Variants in NEU4 observed in about 807,000 individuals in gnomAD.
NEU4 encodes sialidase-4.
NEU4 carries 7 observed loss-of-function variants against 9.9 expected under a neutral mutation model. That is an observed-to-expected ratio of 0.71 (90% CI 0.40 to 1.33). NEU4 has a LOEUF of 1.33. NEU4 is among the 40% of genes most tolerant of loss of function. The pLI is 0.01. For missense variants in NEU4, 717 were observed against 712.6 expected, an observed-to-expected ratio of 1.01 and a Z score of -0.07; for synonymous variants, 348 against 316.9, an observed-to-expected ratio of 1.10 and a Z score of -1.04.
intron 3 of NEU4, chr2:241,815,603 C>A: frequency 2.0e-6 from 1 of 507,588 alleles, no homozygotes. Context: ...CCGCCCCACC[C>A]CTTCCTCTTA....
chr2:241,814,019 G>A (rs528632071), intron 1 of NEU4: 11 of 362,544 alleles, frequency 3.0e-5, no homozygotes, highest in South Asian at 1.3e-4. Context: ...TGGCTTCCAC[G>A]GTGCTGTGGC....
Position 241,816,612 on chromosome 2 carries a change from G to A in NEU4, c.1019G>A (p.Arg340Gln), listed in dbSNP as rs530931146. ...PGGPFSRLQP[R>Q]GDGPRQPGPR... is the part of the protein sequence containing the mutation. ...GGGCCCTTCAGCCGTCTGCAGCCTCGGGGGGATGGCCCCAGGCAGCCTGGC... is the reference window on the plus strand; with the variant it reads ...GGGCCCTTCAGCCGTCTGCAGCCTCAGGGGGATGGCCCCAGGCAGCCTGGC... The change falls in exon 4 of 4, where the codon CGG becomes CAG. Residue 340 changes from arginine to glutamine, a missense_variant. Physicochemically the swap from Arg to Gln is conservative, Grantham distance 43. Transcript: ENST00000407683. The A allele has an allele frequency of 1.0e-4, 157 of 1,577,508 alleles. No individual in the cohort carries two copies. Among genetic ancestry groups the A allele is most frequent in the Non-Finnish European group, 5.9e-5 (69 of 1,164,282 alleles).
intron 3 of NEU4, 199 bp from the exon 4 acceptor site, chr2:241,815,852 G>C: frequency 1.6e-6 from 1 of 622,016 alleles, no homozygotes; most frequent in Non-Finnish European, 2.8e-6. Context: ...CCTGGGCTCG[G>C]CTGCTAAGGG....
chr2:241,814,862 C>T (rs566685018), intron 2 of NEU4, 30 bp from the exon 3 acceptor site: 6 of 1,590,860 alleles, frequency 3.8e-6, no homozygotes, highest in African/African-American at 1.3e-5. Context: ...CCTGGACGTC[C>T]TGGTCAGCGG....
intron 1 of NEU4, 159 bp from the exon 2 acceptor site, chr2:241,814,323 T>C: frequency 1.5e-6 from 1 of 664,606 alleles, no homozygotes; most frequent in Non-Finnish European, 2.6e-6. Context: ...GGTGAGGGAG[T>C]CAGAAACAGG....
chr2:241,815,216 C>G, intron 3 of NEU4, 69 bp downstream of exon 3: 1 of 1,455,974 alleles, frequency 6.9e-7, no homozygotes, highest in Admixed American at 2.4e-5. Context: ...GAGATTCCAG[C>G]GGGAAATTGC....
chr2:241,817,012 TG>T lies in NEU4; in HGVS notation c.1423del (p.Asp475ThrfsTer89). ...VPASPKPPNL[G>X]DKPRGCCWPS is the part of the protein sequence containing the mutation. ...CCGCCAGCCCCAAACCGCCCAACCTTGGGGACAAGCCTCGGGGGTGCTGCTG... is the reference window on the plus strand; with the variant it reads ...CCGCCAGCCCCAAACCGCCCAACCTTGGGACAAGCCTCGGGGGTGCTGCTG... On this transcript the variant is annotated frameshift_variant, in exon 4 of 4. Transcript: ENST00000407683. LOFTEE classifies it high-confidence loss of function. 1 of 1,606,226 alleles carries T rather than the reference TG, an allele frequency of 6.2e-7. No homozygotes were observed. The highest frequency in any genetic ancestry group is 8.5e-7 in the Non-Finnish European group (1 of 1,176,970).
chr2:241,815,612 T>A (rs1231016960), intron 3 of NEU4: 1 of 488,110 alleles, frequency 2.0e-6, no homozygotes, highest in East Asian at 6.1e-5. Flanking sequence ...CCCTTCCTCT[T>A]ATTCTTTACT....
chr2:241,816,683 C>G lies in NEU4; in HGVS notation c.1090C>G (p.Leu364Val). 1 of 1,523,816 alleles carries G rather than the reference C, an allele frequency of 6.6e-7. No individual in the cohort carries two copies. Among genetic ancestry groups the G allele is most frequent in the Non-Finnish European group, 8.8e-7 (1 of 1,139,172 alleles). The allele number at this position is 1,523,816 out of a possible 1,614,324, so 94.4% of individuals were successfully genotyped here. A position where few individuals can be genotyped will look rare whatever the true frequency, so the allele number is the denominator to read the frequency against. Residue 364 changes from leucine (L) to valine (V), a missense_variant, in exon 4 of 4, where the codon CTC becomes GTC. Physicochemically the swap from Leu to Val is conservative, Grantham distance 32 (BLOSUM62 1). Transcript: ENST00000407683. ...SGDVGSWTLA[L>V]PMPFAAPPQS... ...GGATGTGGGGTCCTGGACCCTGGCA[C>G]TCCCCATGCCCTTTGCTGCCCCGCC...
intron 1 of NEU4, chr2:241,814,123 T>A: frequency 1.7e-6 from 1 of 591,812 alleles, no homozygotes; most frequent in East Asian, 3.9e-5. Context: ...GGGATGACCC[T>A]GTGTCCTGGG....
chr2:241,814,801 C>A, intron 2 of NEU4, 91 bp from the exon 3 acceptor site: 3 of 1,543,682 alleles, frequency 1.9e-6, no homozygotes, highest in Non-Finnish European at 2.6e-6. Context: ...TAGAGATGAG[C>A]AAACCAGGCT....
chr2:241,810,124 C>T (rs960890367), intron 1 of NEU4, among the ~76,000 whole-genome samples: 6 of 152,170 alleles, frequency 3.9e-5, no homozygotes, highest in African/African-American at 7.2e-5. Flanking sequence ...CCAGGATTCT[C>T]GGCTGTGAGC....
rs1261660631 is a variant in NEU4 at position 241,816,677 on chromosome 2, C to G, written c.1084C>G (p.Leu362Val). 2 of 1,525,360 alleles carry G rather than the reference C, an allele frequency of 1.3e-6. No individual in the cohort carries two copies. The highest frequency in any genetic ancestry group is 1.8e-6 in the Non-Finnish European group (2 of 1,139,890). 94.5% of individuals were successfully genotyped at this position (1,525,360 alleles called of 1,614,324 possible). The change falls in exon 4 of 4, where the codon CTG becomes GTG. Residue 362 changes from leucine (L) to valine (V), a missense_variant. Physicochemically the swap from Leu to Val is conservative, Grantham distance 32 (BLOSUM62 1). Transcript: ENST00000407683. ...CAGTGGGGATGTGGGGTCCTGGACCCTGGCACTCCCCATGCCCTTTGCTGC... is the reference window on the plus strand; with the variant it reads ...CAGTGGGGATGTGGGGTCCTGGACCGTGGCACTCCCCATGCCCTTTGCTGC... The part of the protein sequence containing the change: ...GVSGDVGSWT[L>V]ALPMPFAAPP...
chr2:241,816,429 G>GA lies in NEU4; in HGVS notation c.836_837insA (p.Ser279ArgfsTer16). The GA allele has an allele frequency of 6.2e-7, 1 of 1,607,100 alleles. No individual in the cohort carries two copies. The highest frequency in any genetic ancestry group is 8.5e-7 in the Non-Finnish European group (1 of 1,178,516). On this transcript the variant is annotated frameshift_variant, in exon 4 of 4. Transcript: ENST00000407683. LOFTEE classifies it low-confidence loss of function (END_TRUNC). ...GAGACTGCCTGGGGCTGCCAGGGCA[G>GA]CATCGTGGGCTTCCCAGCCCCCGCC...
At position 241,809,231 on chromosome 2, in the gene NEU4, C is replaced by T. The variant is rs1433872127; in HGVS notation, c.-47C>T. ...AAATGAAGTTACAGGAGGGGCACAC[C>T]GTCCTTTTGTCTCTGCCTTTGAGGT... On this transcript the variant is annotated 5_prime_UTR_variant, in exon 1 of 4. Coordinates refer to ENST00000407683, the MANE Select transcript of NEU4 (RefSeq NM_001167600.3). The T allele has an allele frequency of 8.5e-6, 11 of 1,288,872 alleles. No individual in the cohort carries two copies. Among genetic ancestry groups the T allele is most frequent in the Middle Eastern group, 2.1e-4 (1 of 4,710 alleles). 79.8% of individuals were successfully genotyped at this position (1,288,872 alleles called of 1,614,324 possible).
In NEU4 at chr2:241,813,618, C is replaced by T. The variant is rs116446650; in HGVS notation, c.-3-864C>T. 1.2e-3 allele frequency: 1,185 copies of T among 1,002,088 alleles called. 6 individuals are homozygous for T. In the African/African-American group the frequency reaches 0.014, roughly 12 times the overall value. The allele number at this position is 1,002,088 out of a possible 1,614,324, so 62.1% of individuals were successfully genotyped here. On this transcript the variant is annotated intron_variant, in intron 1 of 3. Transcript: ENST00000407683. ...CCTGGGAGCAAACTCCCAGAATGGC[C>T]GCCGGGCCCCACTCGGCTTTGGAGC...
intron 1 of NEU4, chr2:241,814,038 T>C (rs769036231): frequency 1.4e-5 from 6 of 428,858 alleles, no homozygotes; most frequent in Non-Finnish European, 2.9e-5. Flanking sequence ...GCCTCTATTC[T>C]GGGGACACTG....
Position 241,816,133 on chromosome 2 carries a change from C to T in NEU4, c.540C>T (p.Arg180=), listed in dbSNP as rs537386050. 10 of 1,612,080 alleles carry T rather than the reference C, an allele frequency of 6.2e-6. No homozygotes were observed. The highest frequency in any genetic ancestry group is 4.0e-5 in the African/African-American group (3 of 75,050). Residue 180 remains arginine, a synonymous_variant, in exon 4 of 4, where the codon CGC becomes CGT. Coordinates refer to ENST00000407683, the MANE Select transcript of NEU4 (RefSeq NM_001167600.3). ...TGCTGGTACCCGCCTACACCTACCGCGTGGACCGCCGAGAGTGTTTTGGCA... is the reference window on the plus strand; with the variant it reads ...TGCTGGTACCCGCCTACACCTACCGTGTGGACCGCCGAGAGTGTTTTGGCA... The part of the protein sequence containing the change: ...GRLLVPAYTY[R]VDRRECFGKI...
At chr2:241,812,169 A>T (rs7577590) in intron 1 of NEU4, among the ~76,000 whole-genome samples, 1 of 144,014 alleles carries the variant, frequency 6.9e-6, no homozygotes, top group African/African-American at 2.5e-5. Context: ...CTCTTGGGGC[A>T]CCCACACAGG....
Sources: gnomAD v4.1 joint callset for allele counts (sites outside exome capture counted in the v4.1 genomes callset) on GRCh38, gnomAD v4.1.1 for gene constraint, MANE v1.5 for transcripts, NCBI Gene and HGNC (gene_info 2026-07-23, HGNC 2026-07-21) for gene names.